The following CDK14 variants were observed in gnomAD, a reference collection of about 807,000 sequenced individuals.
CDK14 encodes cyclin dependent kinase 14, also known as cyclin-dependent kinase 14.
Under a neutral mutation model 60.7 loss-of-function variants are expected in CDK14, and 34 were observed. That is an observed-to-expected ratio of 0.56 (90% CI 0.43 to 0.75). CDK14 has a LOEUF of 0.75. Among genes scored for constraint, CDK14 ranks in the 30% least tolerant of loss-of-function variants. The pLI is 0.00. For synonymous variants in CDK14, 197 were observed against 203.7 expected (o/e 0.97, Z 0.28); for missense variants, 482 against 564.1 (o/e 0.85, Z 1.47).
chr7:90,911,793 AACTT>A (rs1792910604), intron 7 of CDK14, among the ~76,000 whole-genome samples: 1 of 152,132 alleles, frequency 6.6e-6, no homozygotes, highest in African/African-American at 2.4e-5. Context: ...GCTTTATATC[AACTT>A]ACTTTAAAAG....
chr7:90,677,347 A>G (rs1364589794), intron 2 of CDK14, among the ~76,000 whole-genome samples: 1 of 152,224 alleles, frequency 6.6e-6, no homozygotes, highest in Non-Finnish European at 1.5e-5. Flanking sequence ...AACTTGAGCT[A>G]CTTGTAATAG....
At chr7:91,197,695 TGGATA>T (rs1363970446) in intron 14 of CDK14, among the ~76,000 whole-genome samples, 1 of 152,206 alleles carries the variant, frequency 6.6e-6, no homozygotes, top group Non-Finnish European at 1.5e-5. Flanking sequence ...GAAAGTACTT[TGGATA>T]GGAGAAAATT....
At position 90,687,940 on chromosome 7, in the gene CDK14, A is replaced by G. The variant is rs1408119753; in HGVS notation, c.124-38627A>G. Reference sequence around the variant, plus strand: ...GTTGCTGCAGCTGAAAGTGTTGATAACTGCTGAAGGACAGAGAAGACAGCC... The same window carrying G: ...GTTGCTGCAGCTGAAAGTGTTGATAGCTGCTGAAGGACAGAGAAGACAGCC... On this transcript the variant is annotated intron_variant, in intron 2 of 14. Coordinates refer to ENST00000380050, the MANE Select transcript of CDK14 (RefSeq NM_001287135.2). Among the ~76,000 whole-genome samples the G allele has an allele frequency of 2.0e-5, 3 of 152,326 alleles. No individual in the cohort carries two copies. In the East Asian group the frequency reaches 5.8e-4, roughly 29 times the overall value.
At chr7:91,130,493 A>G (rs1800083094) in intron 14 of CDK14, among the ~76,000 whole-genome samples, 1 of 152,302 alleles carries the variant, frequency 6.6e-6, no homozygotes, top group Non-Finnish European at 1.5e-5. Context: ...TATGAGAAAC[A>G]CTGCTCTATT....
chr7:91,185,502 A>G (rs1289153671), intron 14 of CDK14, among the ~76,000 whole-genome samples: 1 of 152,124 alleles, frequency 6.6e-6, no homozygotes, highest in African/African-American at 2.4e-5. Context: ...ACTTTCCATT[A>G]GTACATATTC....
In CDK14 at chr7:90,617,610, C is replaced by T. The variant is rs565379693; in HGVS notation, c.123+13361C>T. On this transcript the variant is annotated intron_variant, in intron 2 of 14. Coordinates refer to ENST00000380050, the MANE Select transcript of CDK14 (RefSeq NM_001287135.2). The stretch of plus-strand genomic sequence containing the variant: ...ATCATTATGTTACTAAATAATGTTG[C>T]TGAAGAGAACATGGTTGATTAGTCG... Among the ~76,000 whole-genome samples the T allele has an allele frequency of 3.3e-5, 5 of 152,186 alleles. No individual in the cohort carries two copies. The Middle Eastern group carries it at 0.014, about 414-fold the overall frequency.
chr7:90,637,345 T>A (rs1395768109), intron 2 of CDK14, among the ~76,000 whole-genome samples: 3 of 151,866 alleles, frequency 2.0e-5, no homozygotes, highest in Middle Eastern at 3.4e-3. Flanking sequence ...TCTTTGTTCT[T>A]GTTGGTTTCA....
intron 2 of CDK14, among the ~76,000 whole-genome samples, chr7:90,675,909 A>G (rs556090969): frequency 5.9e-5 from 9 of 152,362 alleles, no homozygotes; most frequent in Admixed American, 2.6e-4. Flanking sequence ...TCAAGGCAGG[A>G]AAGAAGAAAA....
intron 2 of CDK14, among the ~76,000 whole-genome samples, chr7:90,674,083 GAGAT>G (rs1275511954): frequency 2.0e-5 from 3 of 152,190 alleles, no homozygotes; most frequent in Non-Finnish European, 4.4e-5. Flanking sequence ...GTTCTATAGT[GAGAT>G]AGTCTATTGT....
intron 14 of CDK14, among the ~76,000 whole-genome samples, chr7:91,188,932 G>C (rs956934096): frequency 6.6e-6 from 1 of 151,844 alleles, no homozygotes; most frequent in African/African-American, 2.4e-5. Flanking sequence ...GCCCAAAAGC[G>C]TGTTGTTGTT....
intron 6 of CDK14, among the ~76,000 whole-genome samples, chr7:90,876,628 T>G (rs1343132022): frequency 6.6e-6 from 1 of 152,212 alleles, no homozygotes; most frequent in African/African-American, 2.4e-5. Flanking sequence ...TGGGTGTATT[T>G]TCTATGCAAA....
intron 14 of CDK14, among the ~76,000 whole-genome samples, chr7:91,170,574 G>A (rs1043074610): frequency 2.6e-5 from 4 of 152,038 alleles, no homozygotes; most frequent in Non-Finnish European, 5.9e-5. Context: ...TTAAAGTGGA[G>A]AGATAGAAAT....
intron 5 of CDK14, among the ~76,000 whole-genome samples, chr7:90,854,814 T>C (rs1254028360): frequency 1.3e-5 from 2 of 152,192 alleles, no homozygotes; most frequent in African/African-American, 4.8e-5. Flanking sequence ...AAAAACCTGT[T>C]ATCAGGTCTT....
intron 3 of CDK14, among the ~76,000 whole-genome samples, chr7:90,731,917 C>T (rs377412358): frequency 2.8e-4 from 42 of 152,020 alleles, no homozygotes; most frequent in African/African-American, 8.7e-4. Flanking sequence ...TGTCTTGTGC[C>T]GGTTTTCAAA....
intron 2 of CDK14, among the ~76,000 whole-genome samples, chr7:90,725,292 T>C (rs1009140768): frequency 1.1e-4 from 16 of 152,212 alleles, no homozygotes; most frequent in Non-Finnish European, 1.8e-4. Context: ...GTTAATAGTT[T>C]GGTGGTGTGT....
intron 10 of CDK14, among the ~76,000 whole-genome samples, chr7:91,043,505 C>G (rs1354152417): frequency 6.6e-6 from 1 of 152,212 alleles, no homozygotes; most frequent in Admixed American, 6.5e-5. Context: ...TGCCTGCAAA[C>G]TTAATTGTCT....
At chr7:90,620,929 C>T (rs1309320285) in intron 2 of CDK14, among the ~76,000 whole-genome samples, 1 of 152,210 alleles carries the variant, frequency 6.6e-6, no homozygotes, top group Non-Finnish European at 1.5e-5. Flanking sequence ...TCACAGTGGC[C>T]TTGCTATGAC....
chr7:91,012,230 A>G (rs1029157704), intron 10 of CDK14, among the ~76,000 whole-genome samples: 2 of 152,262 alleles, frequency 1.3e-5, no homozygotes, highest in South Asian at 4.1e-4. Context: ...ATGCCTGTGA[A>G]TTTTGAGATT....
At chr7:91,092,913 A>G (rs563751259) in intron 12 of CDK14, among the ~76,000 whole-genome samples, 3 of 152,318 alleles carry the variant, frequency 2.0e-5, no homozygotes, top group East Asian at 3.9e-4. Flanking sequence ...AAATACATGA[A>G]TTTTTGTTCT....
Sources: gnomAD v4.1 joint callset for allele counts (sites outside exome capture counted in the v4.1 genomes callset) on GRCh38, gnomAD v4.1.1 for gene constraint, MANE v1.5 for transcripts, NCBI Gene and HGNC (gene_info 2026-07-23, HGNC 2026-07-21) for gene names.